EPHX4: variants seen among roughly 807,000 people sequenced by gnomAD.
The protein encoded by EPHX4 is epoxide hydrolase 4, also known as abhydrolase domain containing 7.
A neutral mutation model predicts 44.9 loss-of-function variants in EPHX4; 31 were observed. The observed-to-expected ratio is 0.69, with a 90% CI of 0.52 to 0.93. The LOEUF (loss-of-function observed/expected upper bound fraction) is 0.93. EPHX4 is among the 40% of genes least tolerant of loss of function. EPHX4 has a pLI of 0.00. For synonymous variants in EPHX4, 151 were observed against 159.7 expected (o/e 0.95, Z 0.41); for missense variants, 373 against 438.1 (o/e 0.85, Z 1.33).
intron 3 of EPHX4, chr1:92,043,231 C>A: frequency 3.5e-6 from 1 of 285,488 alleles, no homozygotes; most frequent in Non-Finnish European, 6.5e-6. Flanking sequence ...GACCTAATGG[C>A]CCGGGTGCTG....
At chr1:92,042,743 A>G in intron 2 of EPHX4, 80 bp from the exon 3 acceptor site, 2 of 1,262,830 alleles carry the variant, frequency 1.6e-6, no homozygotes, top group South Asian at 1.7e-5. Flanking sequence ...AAAAAAAAAA[A>G]GAAAGGAAAA....
At position 92,050,429 on chromosome 1, in the gene EPHX4, A is replaced by G. The variant is rs760120697; in HGVS notation, c.708+9A>G. ...CAATAAATGATTTCAAGGTAAGCCAAACAAATCAAACAAATAATGTATTAT... is the reference window on the plus strand; with the variant it reads ...CAATAAATGATTTCAAGGTAAGCCAGACAAATCAAACAAATAATGTATTAT... On this transcript the variant is annotated intron_variant, in intron 5 of 6. Coordinates refer to ENST00000370383, the MANE Select transcript of EPHX4 (RefSeq NM_173567.5). 7.5e-7 allele frequency: 1 copy of G among 1,338,766 alleles called. No homozygotes were observed. The highest frequency in any genetic ancestry group is 2.0e-5 in the Admixed American group (1 of 49,716). The allele number at this position is 1,338,766 out of a possible 1,614,324, so 82.9% of individuals were successfully genotyped here. A position where few individuals can be genotyped will look rare whatever the true frequency, so the allele number is the denominator to read the frequency against.
At chr1:92,051,262 C>G (rs1475541259) in intron 5 of EPHX4, among the ~76,000 whole-genome samples, 1 of 151,190 alleles carries the variant, frequency 6.6e-6, no homozygotes, top group African/African-American at 2.4e-5. Flanking sequence ...AAAAAAAAAC[C>G]CAATGCCACT....
intron 2 of EPHX4, among the ~76,000 whole-genome samples, chr1:92,042,594 G>A (rs960661743): frequency 6.6e-6 from 1 of 151,718 alleles, no homozygotes; most frequent in Non-Finnish European, 1.5e-5. Flanking sequence ...GTGTGATGGT[G>A]TGCACCTGTA....
intron 4 of EPHX4, among the ~76,000 whole-genome samples, chr1:92,047,718 T>C (rs1225166101): frequency 2.6e-5 from 4 of 152,178 alleles, no homozygotes; most frequent in African/African-American, 2.4e-5. Flanking sequence ...CTGCCTTGAT[T>C]TGTGCTAAAT....
At chr1:92,056,126 T>C (rs1647360294) in intron 6 of EPHX4, among the ~76,000 whole-genome samples, 1 of 152,144 alleles carries the variant, frequency 6.6e-6, no homozygotes, top group Admixed American at 6.6e-5. Context: ...GAGAGTTACA[T>C]TAGACCTCTA....
At chr1:92,040,407 C>T (rs574622758) in intron 2 of EPHX4, among the ~76,000 whole-genome samples, 31 of 149,614 alleles carry the variant, frequency 2.1e-4, no homozygotes, top group African/African-American at 2.5e-4. Context: ...TGCAGTGGGA[C>T]GATCTCAGCT....
intron 6 of EPHX4, among the ~76,000 whole-genome samples, chr1:92,053,167 A>T (rs1011459632): frequency 1.3e-5 from 2 of 152,196 alleles, no homozygotes; most frequent in Admixed American, 1.3e-4. Flanking sequence ...ATGAGAACTG[A>T]GGAAATAATG....
chr1:92,052,349 A>G (rs1277426476), intron 5 of EPHX4, among the ~76,000 whole-genome samples, 161 bp from the exon 6 acceptor site: 2 of 152,264 alleles, frequency 1.3e-5, no homozygotes. Context: ...GCAGAAATGC[A>G]TAGAATATAT....
At chr1:92,034,775 G>A (rs1688413212) in intron 2 of EPHX4, among the ~76,000 whole-genome samples, 1 of 151,786 alleles carries the variant, frequency 6.6e-6, no homozygotes, top group African/African-American at 2.4e-5. Context: ...CCAAGTAGCT[G>A]GGATTACAAG....
intron 6 of EPHX4, among the ~76,000 whole-genome samples, chr1:92,059,704 T>G (rs1342937002): frequency 6.6e-6 from 1 of 152,210 alleles, no homozygotes; most frequent in African/African-American, 2.4e-5. Flanking sequence ...AACATTTATT[T>G]ATTAAACAGA....
At chr1:92,035,339 T>C (rs771936573) in intron 2 of EPHX4, among the ~76,000 whole-genome samples, 1 of 152,340 alleles carries the variant, frequency 6.6e-6, no homozygotes, top group Non-Finnish European at 1.5e-5. Flanking sequence ...CTGCCTAACA[T>C]AGCATGGGCA....
intron 1 of EPHX4, among the ~76,000 whole-genome samples, chr1:92,031,497 G>A (rs893128405): frequency 6.6e-6 from 1 of 152,150 alleles, no homozygotes; most frequent in Non-Finnish European, 1.5e-5. Context: ...AGAACCGAGT[G>A]GAAAGAGCAT....
chr1:92,030,316 G>T lies in EPHX4; in HGVS notation c.231+6G>T. 3 of 1,521,954 alleles carry T rather than the reference G, an allele frequency of 2.0e-6. No homozygotes were observed. In the South Asian group the frequency reaches 3.7e-5, roughly 19 times the overall value. The allele number at this position is 1,521,954 out of a possible 1,614,324, so 94.3% of individuals were successfully genotyped here. ...ACTGCTACGTGCGGATCAAGGTGAA[G>T]GGCCGCGCGGGCCTGGCGGGAGCGG... On this transcript the variant is annotated splice_donor_region_variant and intron_variant, in intron 1 of 6. Coordinates refer to ENST00000370383, the MANE Select transcript of EPHX4 (RefSeq NM_173567.5).
rs969406937 is a variant in EPHX4 at position 92,032,730 on chromosome 1, G to C, written c.317+140G>C. 4.2e-6 allele frequency: 3 copies of C among 720,230 alleles called. No homozygotes were observed. The African/African-American group carries it at 5.3e-5, about 13-fold the overall frequency. 44.6% of individuals were successfully genotyped at this position (720,230 alleles called of 1,614,324 possible). On this transcript the variant is annotated intron_variant, in intron 2 of 6. Coordinates refer to ENST00000370383, the MANE Select transcript of EPHX4 (RefSeq NM_173567.5). The stretch of plus-strand genomic sequence containing the variant: ...TGATTTTCTCAGAGTTCTGGAGGCT[G>C]GGAAGTTCAGGATCAAGGTGCCAAC...
chr1:92,056,706 C>A (rs1647378074), intron 6 of EPHX4, among the ~76,000 whole-genome samples: 1 of 150,912 alleles, frequency 6.6e-6, no homozygotes, highest in East Asian at 1.9e-4. Context: ...GTCTCCAACT[C>A]CTGGGCTTAA....
chr1:92,041,663 A>G (rs1024863563), intron 2 of EPHX4, among the ~76,000 whole-genome samples: 1 of 152,220 alleles, frequency 6.6e-6, no homozygotes, highest in Admixed American at 6.5e-5. Context: ...TTTATTATCT[A>G]GAAATTCGGG....
intron 4 of EPHX4, among the ~76,000 whole-genome samples, chr1:92,047,092 T>C (rs115757759): frequency 6.8e-4 from 103 of 152,362 alleles, no homozygotes; most frequent in African/African-American, 2.4e-3. Flanking sequence ...TTTGAAAGTC[T>C]GATTTTTATC....
chr1:92,039,410 A>C (rs1688481025), intron 2 of EPHX4, among the ~76,000 whole-genome samples: 1 of 152,204 alleles, frequency 6.6e-6, no homozygotes, highest in Admixed American at 6.5e-5. Flanking sequence ...TAAGAGGTTA[A>C]ATGAACAGAA....
Sources: allele counts gnomAD v4.1 joint callset (sites outside exome capture counted in the v4.1 genomes callset), GRCh38; gene constraint gnomAD v4.1.1; transcripts MANE v1.5; gene names NCBI Gene and HGNC (gene_info 2026-07-23, HGNC 2026-07-21).